Variants in ACOX1 observed in about 807,000 individuals in gnomAD.
The protein encoded by ACOX1 is peroxisomal acyl-coenzyme A oxidase 1.
A neutral mutation model predicts 75.5 loss-of-function variants in ACOX1; 41 were observed. That is an observed-to-expected ratio of 0.54 (90% CI 0.42 to 0.70). ACOX1 has a LOEUF of 0.70. Ranked by LOEUF, ACOX1 falls within the 30% of genes least tolerant of loss-of-function variation. The pLI is 0.00. For synonymous variants in ACOX1, 303 were observed against 298.8 expected, an observed-to-expected ratio of 1.01 and a Z score of -0.15; for missense variants, 630 against 837.5, an observed-to-expected ratio of 0.75 and a Z score of 3.06.
intron 2 of ACOX1, chr17:75,973,440 T>C (rs1295826177): frequency 3.0e-6 from 2 of 658,780 alleles, no homozygotes; most frequent in East Asian, 2.7e-5. Context: ...ATGACGTTTA[T>C]AGGCCAGAGC....
In ACOX1 at chr17:75,960,656, C is replaced by T. The variant is rs7219716; in HGVS notation, c.270-281G>A. On this transcript the variant is annotated intron_variant, in intron 2 of 13. Coordinates refer to ENST00000293217, the MANE Select transcript of ACOX1 (RefSeq NM_004035.7). The surrounding 1 kb of genome is among the most constrained non-coding windows in gnomAD (Gnocchi z 4.4). The stretch of plus-strand genomic sequence containing the variant: ...CCACACGTGCAAGGCAGAGGATCCT[C>T]GCCCAGGAATTAAATCAAAGGAAAT... Among the ~76,000 whole-genome samples, 9 of 152,028 alleles carry T rather than the reference C, an allele frequency of 5.9e-5. No homozygotes were observed. Among genetic ancestry groups the T allele is most frequent in the African/African-American group, 1.9e-4 (8 of 41,350 alleles).
At position 75,978,713 on chromosome 17, in the gene ACOX1, C is replaced by A. The variant is rs9914319; in HGVS notation, c.110-20G>T. The A allele has an allele frequency of 4.3e-3, 6,871 of 1,613,228 alleles. 169 individuals carry two copies. In the African/African-American group the frequency reaches 0.061, roughly 14 times the overall value. On this transcript the variant is annotated intron_variant, in intron 1 of 13. Transcript: ENST00000293217. This position sits in a 1 kb window ranked among gnomAD's most constrained non-coding sequence, Gnocchi z 4.2. ...TGTTCTCTGAAAGGGGGTTAAAGGG[C>A]ATTAAAAGGCAGACAGACACTCGGG...
At chr17:75,953,240 T>TTTTTTA in intron 7 of ACOX1, 1 of 499,232 alleles carries the variant, frequency 2.0e-6, no homozygotes, top group Non-Finnish European at 3.6e-6. Context: ...TTTTTTCTTT[T>TTTTTTA]TTGGCAGTCA....
At position 75,978,690 on chromosome 17, in the gene ACOX1, T is replaced by G; in HGVS notation, c.113A>C (p.Asn38Thr). Reference protein sequence around the residue: ...EKTRRRREIENMILNDPDFQH... With the variant: ...EKTRRRREIETMILNDPDFQH... ...GAAGTCTGGGTCGTTCAGGATCATG[T>G]TCTCTGAAAGGGGGTTAAAGGGCAT... Residue 38 changes from asparagine to threonine, a missense_variant, in exon 2 of 14, where the codon AAC becomes ACC. Around this residue, in one of 2 missense-constraint regions of ACOX1, gnomAD observed 390 missense variants for 574.9 expected, o/e 0.68. Transcript: ENST00000293217. The surrounding 1 kb of genome is among the most constrained non-coding windows in gnomAD (Gnocchi z 4.2). 1.9e-6 allele frequency: 3 copies of G among 1,613,940 alleles called. No individual in the cohort carries two copies. Among genetic ancestry groups the G allele is most frequent in the Non-Finnish European group, 2.5e-6 (3 of 1,180,018 alleles).
chr17:75,947,482 G>A (rs1468254387), intron 13 of ACOX1, among the ~76,000 whole-genome samples: 1 of 151,962 alleles, frequency 6.6e-6, no homozygotes, highest in African/African-American at 2.4e-5. Flanking sequence ...CCCGACCTCA[G>A]GTGATCCACC....
chr17:75,950,669 C>A lies in ACOX1; in HGVS notation c.1298+105G>T. 1 of 1,299,780 alleles carries A rather than the reference C, an allele frequency of 7.7e-7. No individual in the cohort carries two copies. Among genetic ancestry groups the A allele is most frequent in the East Asian group, 2.3e-5 (1 of 42,622 alleles). The allele number at this position is 1,299,780 out of a possible 1,614,324, so 80.5% of individuals were successfully genotyped here. A position where few individuals can be genotyped will look rare whatever the true frequency, so the allele number is the denominator to read the frequency against. ...AAGGCAAAAGTATACCTTTCAGGAA[C>A]AAATATATATATACGGTGAAGAAAA... On this transcript the variant is annotated intron_variant, in intron 9 of 13. Coordinates refer to ENST00000293217, the MANE Select transcript of ACOX1 (RefSeq NM_004035.7). This position sits in a 1 kb window ranked among gnomAD's most constrained non-coding sequence, Gnocchi z 4.3.
intron 2 of ACOX1, among the ~76,000 whole-genome samples, chr17:75,972,327 C>CAA (rs58820718): frequency 1.4e-3 from 151 of 110,952 alleles, no homozygotes; most frequent in African/African-American, 4.0e-3. Context: ...ACTCTGTCTC[C>CAA]AAAAAAAAAA....
intron 2 of ACOX1, among the ~76,000 whole-genome samples, chr17:75,975,050 C>CAAAAAAAAAA (rs1022347068): frequency 7.4e-5 from 3 of 40,274 alleles, no homozygotes; most frequent in African/African-American, 2.0e-4. Flanking sequence ...ACTCTGTCTC[C>CAAAAAAAAAA]AAAAAAAAAA....
chr17:75,952,767 A>T lies in ACOX1; in HGVS notation c.944+684T>A, dbSNP rs1452981777. 2.7e-5 allele frequency among the ~76,000 whole-genome samples: 4 copies of T among 150,544 alleles called. No homozygotes were observed. The South Asian group carries it at 8.4e-4, about 32-fold the overall frequency. ...ATCACTTGAACCCAGGGTGGCAGAG[A>T]CTGCAGCAAGCTGAGATCGCGCCAC... On this transcript the variant is annotated intron_variant, in intron 7 of 13. Transcript: ENST00000293217.
chr17:75,968,522 C>T (rs1319443031), intron 2 of ACOX1, among the ~76,000 whole-genome samples: 2 of 142,848 alleles, frequency 1.4e-5, no homozygotes, highest in African/African-American at 2.7e-5. Context: ...AGGAGAATAG[C>T]GTGAACCCAG....
intron 13 of ACOX1, 100 bp from the exon 14 acceptor site, chr17:75,946,895 G>T: frequency 9.6e-6 from 10 of 1,039,298 alleles, no homozygotes; most frequent in Admixed American, 4.1e-5. Context: ...TTGAGACTGA[G>T]TCCTGCTCTG....
chr17:75,951,544 G>A lies in ACOX1; in HGVS notation c.978C>T (p.Thr326=), dbSNP rs1316911192. Residue 326 remains threonine, a synonymous_variant, in exon 8 of 14, where the codon ACC becomes ACT. Transcript: ENST00000293217. ...GGAGTGGAAAGAGTTTATACTGCTG[G>A]GTTTGAAAATCCAAAATCTGTGGTT... The part of the protein sequence containing the change: ...EPEPQILDFQ[T]QQYKLFPLLA... 6.2e-7 allele frequency: 1 copy of A among 1,614,078 alleles called. No individual in the cohort carries two copies. The highest frequency in any genetic ancestry group is 8.5e-7 in the Non-Finnish European group (1 of 1,180,006).
chr17:75,966,208 C>A (rs558166073), intron 2 of ACOX1, among the ~76,000 whole-genome samples: 3 of 151,732 alleles, frequency 2.0e-5, no homozygotes, highest in Non-Finnish European at 4.4e-5. Flanking sequence ...CCTGTAATCC[C>A]AGCACTTTGG....
At position 75,978,984 on chromosome 17, in the gene ACOX1, G is replaced by A. The variant is rs1135630; in HGVS notation, c.90C>T (p.Thr30=). The part of the protein sequence containing the change: ...THILDGSPEK[T]RRRREIENMI... ...CCTCACCGATCTCTCGGCGGCGCCG[G>A]GTTTTCTCGGGGCTGCCGTCCAGGA... Residue 30 remains threonine, a synonymous_variant, in exon 1 of 14, where the codon ACC becomes ACT. Coordinates refer to ENST00000293217, the MANE Select transcript of ACOX1 (RefSeq NM_004035.7). The surrounding 1 kb of genome is among the most constrained non-coding windows in gnomAD (Gnocchi z 4.2). 6.2e-7 allele frequency: 1 copy of A among 1,610,876 alleles called. No individual in the cohort carries two copies.
Position 75,978,366 on chromosome 17 carries a change from T to A in ACOX1, c.269+168A>T. Reference sequence around the variant, plus strand: ...CCTCGGCCTCCCAAAGTGCTGGGATTACAGGCGTGAGCCACCGCGCCCGGC... The same window carrying A: ...CCTCGGCCTCCCAAAGTGCTGGGATAACAGGCGTGAGCCACCGCGCCCGGC... On this transcript the variant is annotated intron_variant, in intron 2 of 13. Transcript: ENST00000293217. The surrounding 1 kb of genome is among the most constrained non-coding windows in gnomAD (Gnocchi z 4.2). 2 of 809,172 alleles carry A rather than the reference T, an allele frequency of 2.5e-6. No individual in the cohort carries two copies. Among genetic ancestry groups the A allele is most frequent in the Admixed American group, 4.2e-5 (2 of 47,696 alleles). 50.1% of individuals were successfully genotyped at this position (809,172 alleles called of 1,614,324 possible). A position where few individuals can be genotyped will look rare whatever the true frequency, so the allele number is the denominator to read the frequency against.
At chr17:75,970,003 G>A (rs2065977766) in intron 2 of ACOX1, among the ~76,000 whole-genome samples, 1 of 151,920 alleles carries the variant, frequency 6.6e-6, no homozygotes, top group Admixed American at 6.6e-5. Context: ...TGGCCAACAT[G>A]GTGAAACCCT....
rs1390663498 is a variant in ACOX1, at chr17:75,960,905, G to GAGGC, written c.270-534_270-531dup. Reference sequence around the variant, plus strand: ...AGGCAGGAAAATCGCTTGAACCTAGGAGGCGGAGGTTGCAGTGAGCCGAGA... The same window carrying GAGGC: ...AGGCAGGAAAATCGCTTGAACCTAGGAGGCAGGCGGAGGTTGCAGTGAGCCGAGA... On this transcript the variant is annotated intron_variant, in intron 2 of 13. Transcript: ENST00000293217. This position sits in a 1 kb window ranked among gnomAD's most constrained non-coding sequence, Gnocchi z 4.4. Among the ~76,000 whole-genome samples, 2 of 152,170 alleles carry GAGGC rather than the reference G, an allele frequency of 1.3e-5. No individual in the cohort carries two copies. Among genetic ancestry groups the GAGGC allele is most frequent in the Non-Finnish European group, 2.9e-5 (2 of 68,032 alleles).
At chr17:75,955,451 G>T in intron 6 of ACOX1, 115 bp downstream of exon 6, 1 of 875,510 alleles carries the variant, frequency 1.1e-6, no homozygotes, top group Non-Finnish European at 1.9e-6. Flanking sequence ...GAATATGCCA[G>T]TGTGCCCTGC....
At chr17:75,974,090 G>T (rs1015561873) in intron 2 of ACOX1, among the ~76,000 whole-genome samples, 3 of 151,410 alleles carry the variant, frequency 2.0e-5, no homozygotes, top group African/African-American at 7.3e-5. Context: ...TTTGGAAGGG[G>T]AGGTTGTTGG....
Sources: allele counts gnomAD v4.1 joint callset (sites outside exome capture counted in the v4.1 genomes callset), GRCh38; gene constraint gnomAD v4.1.1; regional missense constraint gnomAD v4.1.1; non-coding constraint Gnocchi (gnomAD v3.1); transcripts MANE v1.5; gene names NCBI Gene and HGNC (gene_info 2026-07-23, HGNC 2026-07-21).